The following PCSK5 variants were observed in gnomAD, a reference collection of about 807,000 sequenced individuals.
PCSK5 encodes the protein proprotein convertase subtilisin/kexin type 5, also known as prohormone convertase 5.
PCSK5 carries 129 observed loss-of-function variants against 233.2 expected under a neutral mutation model. The ratio of observed to expected loss-of-function variants is 0.55; its 90% CI spans 0.48 to 0.64. PCSK5 has a LOEUF of 0.64. PCSK5 is among the 30% of genes least tolerant of loss of function. PCSK5 has a pLI of 0.00. For synonymous variants in PCSK5, 825 were observed against 879.2 expected (o/e 0.94, Z 1.09); for missense variants, 2,076 against 2,430.1 (o/e 0.85, Z 3.06).
At chr9:76,322,884 G>T (rs1384447366) in intron 31 of PCSK5, among the ~76,000 whole-genome samples, 168 bp from the exon 32 acceptor site, 1 of 152,214 alleles carries the variant, frequency 6.6e-6, no homozygotes, top group Non-Finnish European at 1.5e-5. Flanking sequence ...TTGTCCCAAG[G>T]CAGGGCTTGT....
chr9:75,976,742 G>A (rs1172805399), intron 2 of PCSK5, among the ~76,000 whole-genome samples: 1 of 151,340 alleles, frequency 6.6e-6, no homozygotes, highest in African/African-American at 2.4e-5. Flanking sequence ...ATGTTGTAAT[G>A]TTAATATTTT....
intron 22 of PCSK5, 74 bp downstream of exon 22, chr9:76,233,670 C>T: frequency 1.4e-6 from 2 of 1,407,484 alleles, no homozygotes; most frequent in Non-Finnish European, 9.8e-7. Flanking sequence ...TTTGGTTTGA[C>T]CCAAAAGCCT....
intron 24 of PCSK5, among the ~76,000 whole-genome samples, chr9:76,265,099 T>G (rs1827293445): frequency 6.6e-6 from 1 of 152,142 alleles, no homozygotes; most frequent in Non-Finnish European, 1.5e-5. Context: ...AATTATGTCC[T>G]TTGTAGCAAC....
At chr9:76,357,121 A>C (rs1830321395) in intron 37 of PCSK5, among the ~76,000 whole-genome samples, 1 of 152,264 alleles carries the variant, frequency 6.6e-6, no homozygotes, top group Non-Finnish European at 1.5e-5. Context: ...TCATCACTAA[A>C]GTTACAGTTG....
rs531001693 is a variant in PCSK5 at position 76,295,872 on chromosome 9, G to A, written c.3322+461G>A. ...GATAGTTAGGAAAGAAATACAGTGTGACTCTTCCAGCTGAAGAGGATAATA... is the reference window on the plus strand; with the variant it reads ...GATAGTTAGGAAAGAAATACAGTGTAACTCTTCCAGCTGAAGAGGATAATA... On this transcript the variant is annotated intron_variant, in intron 26 of 37. Coordinates refer to ENST00000674117, the MANE Select transcript of PCSK5 (RefSeq NM_001372043.1). 2.6e-5 allele frequency among the ~76,000 whole-genome samples: 4 copies of A among 152,342 alleles called. No individual in the cohort carries two copies. In the East Asian group the frequency reaches 7.7e-4, roughly 29 times the overall value.
At chr9:76,160,591 C>A (rs1406034204) in intron 12 of PCSK5, among the ~76,000 whole-genome samples, 3 of 152,154 alleles carry the variant, frequency 2.0e-5, no homozygotes, top group Non-Finnish European at 4.4e-5. Flanking sequence ...AGAACACTAA[C>A]AACAGGCCAG....
At chr9:76,301,161 A>G (rs551010460) in intron 27 of PCSK5, among the ~76,000 whole-genome samples, 22 of 151,998 alleles carry the variant, frequency 1.4e-4, no homozygotes, top group Non-Finnish European at 2.6e-4. Context: ...AGTCTCAGCT[A>G]CTTGGGAGGC....
At chr9:76,214,400 A>G (rs1370658570) in intron 20 of PCSK5, among the ~76,000 whole-genome samples, 2 of 152,006 alleles carry the variant, frequency 1.3e-5, no homozygotes, top group East Asian at 3.9e-4. Flanking sequence ...TTAAACATGA[A>G]ATCTCATCTC....
chr9:75,920,729 C>T (rs1451020275), intron 1 of PCSK5, among the ~76,000 whole-genome samples: 2 of 151,982 alleles, frequency 1.3e-5, no homozygotes, highest in Non-Finnish European at 2.9e-5. Context: ...TCACTTGAAC[C>T]TGGAAAGCGG....
rs551207702 is a variant in PCSK5, at chr9:76,274,704, A to G, written c.3143-17529A>G. Reference sequence around the variant, plus strand: ...TGTGATATCTAGCTTAGGGTTACACATTCTCAAAGGGGTTTTTTTGTTGTT... The same window carrying G: ...TGTGATATCTAGCTTAGGGTTACACGTTCTCAAAGGGGTTTTTTTGTTGTT... On this transcript the variant is annotated intron_variant, in intron 24 of 37. Transcript: ENST00000674117. Among the ~76,000 whole-genome samples the G allele has an allele frequency of 3.3e-5, 5 of 152,332 alleles. No individual in the cohort carries two copies. The South Asian group carries it at 1.0e-3, about 32-fold the overall frequency.
intron 1 of PCSK5, among the ~76,000 whole-genome samples, chr9:75,911,357 T>C (rs893024273): frequency 3.3e-5 from 5 of 152,012 alleles, no homozygotes; most frequent in African/African-American, 1.2e-4. Flanking sequence ...CCTGTGGAAG[T>C]CATGGCTGGC....
rs144135832 is a variant in PCSK5 at position 76,168,705 on chromosome 9, G to C, written c.1620-999G>C. Among the ~76,000 whole-genome samples, 266 of 152,288 alleles carry C rather than the reference G, an allele frequency of 1.7e-3. 1 individual carries two copies. Among genetic ancestry groups the C allele is most frequent in the African/African-American group, 5.5e-3 (229 of 41,552 alleles). On this transcript the variant is annotated intron_variant, in intron 12 of 37. Coordinates refer to ENST00000674117, the MANE Select transcript of PCSK5 (RefSeq NM_001372043.1). The stretch of plus-strand genomic sequence containing the variant: ...CTGAACTGGATAAGATTAGTGGGCA[G>C]TCTTTTTATTGAAGCATAATTTACC...
At chr9:76,105,895 G>C (rs7856624) in intron 8 of PCSK5, among the ~76,000 whole-genome samples, 5,606 of 152,244 alleles carry the variant, frequency 0.037, 351 homozygotes, top group African/African-American at 0.13. Flanking sequence ...AACTAAATCA[G>C]CCAGAATGCC....
At chr9:76,055,088 C>T (rs916706465) in intron 5 of PCSK5, among the ~76,000 whole-genome samples, 7 of 152,040 alleles carry the variant, frequency 4.6e-5, no homozygotes, top group South Asian at 2.1e-4. Context: ...ACATTATTCC[C>T]GATGGCCAAA....
chr9:75,911,664 C>G (rs1239437226), intron 1 of PCSK5, among the ~76,000 whole-genome samples: 2 of 152,098 alleles, frequency 1.3e-5, no homozygotes, highest in African/African-American at 2.4e-5. Context: ...TCACCTGGGC[C>G]TGGCTGGTCT....
At chr9:76,114,947 C>A (rs1564035133) in intron 9 of PCSK5, among the ~76,000 whole-genome samples, 2 of 151,852 alleles carry the variant, frequency 1.3e-5, no homozygotes. Context: ...ATTAGGGTAG[C>A]CTGGTCAAGG....
chr9:75,956,685 C>T (rs754322508), intron 2 of PCSK5, among the ~76,000 whole-genome samples: 32 of 151,744 alleles, frequency 2.1e-4, no homozygotes, highest in Non-Finnish European at 3.7e-4. Context: ...GGCTAAAAGG[C>T]ACTACTGCCT....
At chr9:75,978,475 A>C (rs1452844658) in intron 2 of PCSK5, among the ~76,000 whole-genome samples, 1 of 152,150 alleles carries the variant, frequency 6.6e-6, no homozygotes, top group Non-Finnish European at 1.5e-5. Flanking sequence ...CCAAGTGGCC[A>C]GACTAGTGAT....
intron 3 of PCSK5, among the ~76,000 whole-genome samples, chr9:75,987,416 T>G (rs1826563919): frequency 6.6e-6 from 1 of 151,994 alleles, no homozygotes; most frequent in African/African-American, 2.4e-5. Flanking sequence ...ATTGGACTTG[T>G]GGGGGGGCGG....
Sources: allele counts gnomAD v4.1 joint callset (sites outside exome capture counted in the v4.1 genomes callset), GRCh38; gene constraint gnomAD v4.1.1; transcripts MANE v1.5; gene names NCBI Gene and HGNC (gene_info 2026-07-23, HGNC 2026-07-21).